RHOU: variants seen among roughly 807,000 people sequenced by gnomAD.
RHOU encodes the protein rho-related GTP-binding protein RhoU.
RHOU carries 8 observed loss-of-function variants against 12.6 expected under a neutral mutation model. That is an observed-to-expected ratio of 0.64 (90% CI 0.37 to 1.15). The LOEUF is 1.15. RHOU is among the 50% of genes most tolerant of loss of function. The probability of loss-of-function intolerance (pLI) is 0.01; values close to 1 mark genes in which losing one functional copy is unlikely to be tolerated. For synonymous variants in RHOU, 161 were observed against 147.4 expected (o/e 1.09, Z -0.67); for missense variants, 258 against 347.0 (o/e 0.74, Z 2.04).
At chr1:228,730,683 A>C (rs1219996173), upstream of RHOU, among the ~76,000 whole-genome samples, 1 of 152,234 alleles carries the variant, frequency 6.6e-6, no homozygotes, top group Non-Finnish European at 1.5e-5. Context: ...CTTATAGGGT[A>C]TTGAAAAAAC....
the RHOU span, among the ~76,000 whole-genome samples, chr1:228,723,562 G>T: frequency 6.6e-6 from 1 of 152,238 alleles, no homozygotes; most frequent in Non-Finnish European, 1.5e-5. Context: ...TGTGGGAATT[G>T]CCATGTTTGG....
the RHOU span, among the ~76,000 whole-genome samples, chr1:228,729,115 C>T: frequency 2.6e-5 from 4 of 152,128 alleles, no homozygotes; most frequent in Admixed American, 6.5e-5. Flanking sequence ...AGGCTGTGCT[C>T]GAACTCCTGA....
the RHOU span, among the ~76,000 whole-genome samples, chr1:228,698,752 T>C: frequency 6.6e-6 from 1 of 152,226 alleles, no homozygotes; most frequent in African/African-American, 2.4e-5. Context: ...CATGAAGTAA[T>C]GAAAGTACCA....
chr1:228,741,016 T>A (rs917118822), intron 2 of RHOU, among the ~76,000 whole-genome samples: 3 of 152,042 alleles, frequency 2.0e-5, no homozygotes, highest in African/African-American at 7.3e-5. Flanking sequence ...ATAGGAGTAG[T>A]TCACTGGAGA....
the RHOU span, among the ~76,000 whole-genome samples, chr1:228,708,936 T>C: frequency 1.3e-5 from 2 of 152,040 alleles, no homozygotes; most frequent in Non-Finnish European, 2.9e-5. Context: ...GAGACACACA[T>C]AGGCTCAAAA....
chr1:228,683,506 A>T, the RHOU span, among the ~76,000 whole-genome samples: 2 of 152,252 alleles, frequency 1.3e-5, no homozygotes, highest in Admixed American at 1.3e-4. Context: ...CAAATTTTCC[A>T]TTTGGGAAAT....
At chr1:228,720,083 C>A in the RHOU span, among the ~76,000 whole-genome samples, 1 of 152,002 alleles carries the variant, frequency 6.6e-6, no homozygotes, top group South Asian at 2.1e-4. Flanking sequence ...ATCCGAGCAA[C>A]TTTGGAGGCT....
chr1:228,679,826 C>T, the RHOU span, among the ~76,000 whole-genome samples: 2 of 151,522 alleles, frequency 1.3e-5, no homozygotes, highest in Admixed American at 6.6e-5. Context: ...TGGGGAGATA[C>T]AAGGAGAGGA....
At chr1:228,711,124 G>A in the RHOU span, among the ~76,000 whole-genome samples, 2 of 151,522 alleles carry the variant, frequency 1.3e-5, no homozygotes, top group South Asian at 2.1e-4. Context: ...CCTCTTCAAG[G>A]AGAACTAAAA....
chr1:228,675,400 T>C, the RHOU span, among the ~76,000 whole-genome samples: 4 of 152,208 alleles, frequency 2.6e-5, no homozygotes, highest in African/African-American at 4.8e-5. Context: ...AAATTTTAGA[T>C]TGACTTTTAA....
At chr1:228,657,159 C>T in the RHOU span, among the ~76,000 whole-genome samples, 29 of 151,514 alleles carry the variant, frequency 1.9e-4, no homozygotes, top group African/African-American at 5.8e-4. Context: ...TGCCTGTAAT[C>T]CCAGCTCCTG....
the RHOU span, among the ~76,000 whole-genome samples, chr1:228,670,845 T>C: frequency 6.6e-6 from 1 of 152,150 alleles, no homozygotes; most frequent in Non-Finnish European, 1.5e-5. Context: ...CCCTTTACTC[T>C]CTGTCTGTTG....
chr1:228,686,252 C>T, the RHOU span, among the ~76,000 whole-genome samples: 1 of 151,828 alleles, frequency 6.6e-6, no homozygotes, highest in Non-Finnish European at 1.5e-5. Context: ...GAAACAATAG[C>T]TATATAGTGA....
the RHOU span, among the ~76,000 whole-genome samples, chr1:228,663,632 T>TTTC: frequency 1.5e-5 from 2 of 132,040 alleles, no homozygotes; most frequent in African/African-American, 5.7e-5. Flanking sequence ...TTTCTTTTTT[T>TTTC]TTTTTTTTTT....
chr1:228,692,866 TTGA>T, the RHOU span, among the ~76,000 whole-genome samples: 1 of 152,172 alleles, frequency 6.6e-6, no homozygotes, highest in African/African-American at 2.4e-5. Flanking sequence ...AAAACAGTTG[TTGA>T]TAAAGTTGTT....
rs934779223 is a variant in RHOU, at chr1:228,735,590, C to G, written c.-153C>G. On this transcript the variant is annotated 5_prime_UTR_variant, in exon 1 of 3. Transcript: ENST00000366691. The surrounding 1 kb of genome is among the most constrained non-coding windows in gnomAD (Gnocchi z 8.1). Reference sequence around the variant, plus strand: ...GACCCTCCCTGGCCGCCTTTGTCTACTGGCCGTGCGGCCCGGAACCGCCAC... The same window carrying G: ...GACCCTCCCTGGCCGCCTTTGTCTAGTGGCCGTGCGGCCCGGAACCGCCAC... The G allele has an allele frequency of 2.2e-5, 11 of 501,618 alleles. No individual in the cohort carries two copies. In the Admixed American group the frequency reaches 5.5e-4, roughly 25 times the overall value. The allele number at this position is 501,618 out of a possible 1,614,324, so 31.1% of individuals were successfully genotyped here.
chr1:228,662,095 G>A, the RHOU span, among the ~76,000 whole-genome samples: 1 of 152,142 alleles, frequency 6.6e-6, no homozygotes, highest in Non-Finnish European at 1.5e-5. Flanking sequence ...ATCATCACTG[G>A]TCATCAGAGA....
the RHOU span, among the ~76,000 whole-genome samples, chr1:228,698,395 A>G: frequency 2.6e-5 from 4 of 152,254 alleles, no homozygotes; most frequent in African/African-American, 4.8e-5. Flanking sequence ...CTATGTCTCT[A>G]TAATACCTGA....
chr1:228,671,620 G>A, the RHOU span, among the ~76,000 whole-genome samples: 1 of 150,146 alleles, frequency 6.7e-6, no homozygotes, highest in Admixed American at 6.7e-5. Flanking sequence ...ATGAGGCTGA[G>A]GCAGGAGAAT....
Sources: gnomAD v4.1 joint callset for allele counts (sites outside exome capture counted in the v4.1 genomes callset) on GRCh38, gnomAD v4.1.1 for gene constraint, Gnocchi (gnomAD v3.1) non-coding constraint, MANE v1.5 for transcripts, NCBI Gene and HGNC (gene_info 2026-07-23, HGNC 2026-07-21) for gene names.